Variants in ODAD2 observed in about 807,000 individuals in gnomAD.
ODAD2 encodes outer dynein arm-docking complex subunit 2.
ODAD2 carries 89 observed loss-of-function variants against 106.8 expected under a neutral mutation model. The ratio of observed to expected loss-of-function variants is 0.83; its 90% CI spans 0.70 to 0.99. The LOEUF is 0.99. Ranked by LOEUF, ODAD2 falls within the 50% of genes least tolerant of loss-of-function variation. ODAD2 has a pLI of 0.00. For synonymous variants in ODAD2, 404 were observed against 436.2 expected (o/e 0.93, Z 0.92); for missense variants, 1,168 against 1,238.5 (o/e 0.94, Z 0.85).
intron 19 of ODAD2, among the ~76,000 whole-genome samples, chr10:27,848,176 A>G (rs2133193495): frequency 6.6e-6 from 1 of 152,336 alleles, no homozygotes; most frequent in Non-Finnish European, 1.5e-5. Context: ...AAACTATACT[A>G]CAAGGCTACA....
rs1181374294 is a variant in ODAD2 at position 27,984,320 on chromosome 10, A to G, written c.576-30T>C. On this transcript the variant is annotated intron_variant, in intron 4 of 19. Transcript: ENST00000305242. ...AATAAATGTTTAAAATGTCAGCTTA[A>G]ATACTTTAAACAGAATCTAGGAAAC... The G allele has an allele frequency of 2.1e-6, 3 of 1,423,776 alleles. No homozygotes were observed. In the African/African-American group the frequency reaches 4.2e-5, roughly 20 times the overall value. The allele number at this position is 1,423,776 out of a possible 1,614,324, so 88.2% of individuals were successfully genotyped here.
intron 10 of ODAD2, among the ~76,000 whole-genome samples, chr10:27,948,303 T>C (rs1847084308): frequency 6.6e-6 from 1 of 152,182 alleles, no homozygotes; most frequent in African/African-American, 2.4e-5. Context: ...CATTTCAGGA[T>C]TTAGTTCTAC....
chr10:27,880,597 T>G (rs902609391), intron 17 of ODAD2, among the ~76,000 whole-genome samples: 1 of 152,104 alleles, frequency 6.6e-6, no homozygotes, highest in African/African-American at 2.4e-5. Context: ...AGGATGGAGC[T>G]CTAGTGAGTG....
intron 7 of ODAD2, among the ~76,000 whole-genome samples, 154 bp downstream of exon 7, chr10:27,981,312 A>G (rs576465882): frequency 6.6e-6 from 1 of 152,282 alleles, no homozygotes; most frequent in African/African-American, 2.4e-5. Flanking sequence ...TACTACATTT[A>G]CAGTATTTTT....
At position 27,940,550 on chromosome 10, in the gene ODAD2, C is replaced by A. The variant is rs143096939; in HGVS notation, c.1986+13G>T. 1.4e-5 allele frequency: 22 copies of A among 1,611,908 alleles called. No individual in the cohort carries two copies. The highest frequency in any genetic ancestry group is 1.8e-5 in the Non-Finnish European group (21 of 1,178,112). On this transcript the variant is annotated intron_variant, in intron 13 of 19. Coordinates refer to ENST00000305242, the MANE Select transcript of ODAD2 (RefSeq NM_018076.5). Reference sequence around the variant, plus strand: ...AGTTGAGAAGGCAAGGGAAGCAGAACTGGCATGAGTACCTCTGATGCACAC... The same window carrying A: ...AGTTGAGAAGGCAAGGGAAGCAGAAATGGCATGAGTACCTCTGATGCACAC...
chr10:27,936,067 C>T (rs1480916789), intron 15 of ODAD2, among the ~76,000 whole-genome samples: 2 of 152,058 alleles, frequency 1.3e-5, no homozygotes, highest in Admixed American at 6.6e-5. Flanking sequence ...CTTCACTACG[C>T]CTTATTAAGT....
intron 16 of ODAD2, among the ~76,000 whole-genome samples, chr10:27,928,622 C>G (rs527360742): frequency 3.9e-5 from 6 of 152,056 alleles, no homozygotes; most frequent in African/African-American, 1.2e-4. Context: ...ATTTAAGGCC[C>G]CTTGTTTCAA....
Position 27,893,531 on chromosome 10 carries a change from T to G in ODAD2, c.2610+14132A>C, listed in dbSNP as rs556862492. ...ATGGCTGGTTTTTGCAGCATTACTG[T>G]CAGTGCCATTAATCCAAACAAAGAC... On this transcript the variant is annotated intron_variant, in intron 17 of 19. Coordinates refer to ENST00000305242, the MANE Select transcript of ODAD2 (RefSeq NM_018076.5). Among the ~76,000 whole-genome samples the G allele has an allele frequency of 2.8e-5, 4 of 141,100 alleles. No homozygotes were observed. The South Asian group carries it at 9.7e-4, about 34-fold the overall frequency. The allele number at this position is 141,100 out of a possible 152,430, so 92.6% of individuals were successfully genotyped here.
intron 19 of ODAD2, among the ~76,000 whole-genome samples, chr10:27,851,343 G>T (rs190490676): frequency 6.6e-6 from 1 of 151,950 alleles, no homozygotes; most frequent in African/African-American, 2.4e-5. Flanking sequence ...AACAAAGCTC[G>T]GGAATATTTA....
chr10:27,955,495 C>T (rs1228479201), intron 10 of ODAD2, among the ~76,000 whole-genome samples: 2 of 152,174 alleles, frequency 1.3e-5, no homozygotes, highest in Non-Finnish European at 2.9e-5. Flanking sequence ...CAGCTCCCTT[C>T]TGTGTGGCCT....
Position 27,985,081 on chromosome 10 carries a change from A to C in ODAD2, c.513T>G (p.Ile171Met). The change falls in exon 4 of 20, where the codon ATT (isoleucine) becomes ATG (methionine). Residue 171 changes from isoleucine to methionine, a missense_variant. Ile to Met is a conservative substitution (Grantham distance 10, BLOSUM62 1). Around this residue, in one of 3 missense-constraint regions of ODAD2, gnomAD observed 430 missense variants for 452.2 expected, o/e 0.95. Coordinates refer to ENST00000305242, the MANE Select transcript of ODAD2 (RefSeq NM_018076.5). ...GATCCAATTGCTTAAGCAGCATAGC[A>C]ATCTTCATCTTAATTTCACTTTCAG... ...DDPESEIKMK[I>M]AMLLKQLDLH... 6.2e-7 allele frequency: 1 copy of C among 1,608,450 alleles called. No individual in the cohort carries two copies. Among genetic ancestry groups the C allele is most frequent in the Non-Finnish European group, 8.5e-7 (1 of 1,177,834 alleles).
At chr10:27,963,959 C>T (rs1444335939) in intron 9 of ODAD2, among the ~76,000 whole-genome samples, 2 of 152,108 alleles carry the variant, frequency 1.3e-5, no homozygotes, top group East Asian at 1.9e-4. Context: ...TGGTGGCTCA[C>T]GCCTGTAATC....
chr10:27,950,002 G>T (rs1363605015), intron 10 of ODAD2, among the ~76,000 whole-genome samples: 1 of 152,138 alleles, frequency 6.6e-6, no homozygotes, highest in Non-Finnish European at 1.5e-5. Flanking sequence ...GAGACAGGAA[G>T]GAAGGCAGAG....
intron 16 of ODAD2, among the ~76,000 whole-genome samples, chr10:27,921,490 T>A (rs1219159332): frequency 6.6e-6 from 1 of 151,358 alleles, no homozygotes; most frequent in East Asian, 1.9e-4. Flanking sequence ...AGAGACTAAA[T>A]AACTCATGAA....
chr10:27,834,182 C>G (rs971021935), intron 19 of ODAD2, among the ~76,000 whole-genome samples: 2 of 152,188 alleles, frequency 1.3e-5, no homozygotes, highest in African/African-American at 4.8e-5. Context: ...CTGTTTTAAC[C>G]TAAAAACTCT....
intron 19 of ODAD2, among the ~76,000 whole-genome samples, chr10:27,854,648 C>T (rs1839531195): frequency 6.6e-6 from 1 of 151,920 alleles, no homozygotes; most frequent in Non-Finnish European, 1.5e-5. Flanking sequence ...CCCAGCTACT[C>T]GGGAGGCTGA....
At chr10:27,859,171 A>T (rs1839870027) in intron 19 of ODAD2, among the ~76,000 whole-genome samples, 1 of 152,022 alleles carries the variant, frequency 6.6e-6, no homozygotes, top group Non-Finnish European at 1.5e-5. Context: ...TCATATTGAG[A>T]CAATGGCCTT....
In ODAD2 at chr10:27,840,364, A is replaced by G. The variant is rs1838217518; in HGVS notation, c.3021+20261T>C. On this transcript the variant is annotated intron_variant, in intron 19 of 19. Coordinates refer to ENST00000305242, the MANE Select transcript of ODAD2 (RefSeq NM_018076.5). ...ATTTCTCATGTCAGTTGGTTCAGAA[A>G]TTTAAATTCTGAGTTGTCACTTTCG... is the stretch of plus-strand genomic sequence containing the variant. Among the ~76,000 whole-genome samples the G allele has an allele frequency of 2.0e-5, 3 of 152,202 alleles. No homozygotes were observed. In the South Asian group the frequency reaches 6.2e-4, roughly 32 times the overall value.
intron 9 of ODAD2, among the ~76,000 whole-genome samples, chr10:27,966,038 G>T (rs1054184166): frequency 6.6e-6 from 1 of 152,164 alleles, no homozygotes; most frequent in African/African-American, 2.4e-5. Flanking sequence ...CCATTTTGGA[G>T]CATAGGAAGA....
Sources: allele counts gnomAD v4.1 joint callset (sites outside exome capture counted in the v4.1 genomes callset), GRCh38; gene constraint gnomAD v4.1.1; regional missense constraint gnomAD v4.1.1; transcripts MANE v1.5; gene names NCBI Gene and HGNC (gene_info 2026-07-23, HGNC 2026-07-21).